Variants in CDC20B observed in about 807,000 individuals in gnomAD.
CDC20B encodes cell division cycle 20B.
In CDC20B, 58 loss-of-function variants were observed where a neutral mutation model predicts 64.1. The observed-to-expected ratio is 0.90, with a 90% CI of 0.73 to 1.13. The LOEUF (loss-of-function observed/expected upper bound fraction) is 1.13. Among genes scored for constraint, CDC20B ranks in the 50% most tolerant of loss-of-function variants. CDC20B has a pLI of 0.00. For synonymous variants in CDC20B, 243 were observed against 230.6 expected (o/e 1.05, Z -0.49); for missense variants, 597 against 633.0 (o/e 0.94, Z 0.61).
intron 2 of CDC20B, among the ~76,000 whole-genome samples, chr5:55,158,468 G>A (rs1009849840): frequency 5.3e-5 from 8 of 152,296 alleles, no homozygotes; most frequent in Admixed American, 5.2e-4. Context: ...TGAGCCATGA[G>A]AGTAGGAGTC....
intron 2 of CDC20B, among the ~76,000 whole-genome samples, chr5:55,153,884 T>G (rs1259486266): frequency 6.6e-6 from 1 of 152,154 alleles, no homozygotes; most frequent in Admixed American, 6.5e-5. Context: ...TGAAAAAGAT[T>G]GGCAGTGTTA....
Position 55,149,301 on chromosome 5 carries a change from G to A in CDC20B, c.127-2445C>T, listed in dbSNP as rs75288520. Among the ~76,000 whole-genome samples, 312 of 152,310 alleles carry A rather than the reference G, an allele frequency of 2.0e-3. 1 individual carries two copies. The highest frequency in any genetic ancestry group is 7.0e-3 in the African/African-American group (292 of 41,562). ...GTGAAAGGATGCAGTCATTGTGGAA[G>A]ATTAGTTTGGTGATACCTCAAAAAG... is the stretch of plus-strand genomic sequence containing the variant. On this transcript the variant is annotated intron_variant, in intron 2 of 11. Coordinates refer to ENST00000381375, the MANE Select transcript of CDC20B (RefSeq NM_001170402.1).
At position 55,146,695 on chromosome 5, in the gene CDC20B, G is replaced by A. The variant is rs1743487256; in HGVS notation, c.288C>T (p.Thr96=). Residue 96 remains threonine, a synonymous_variant, in exon 3 of 12, where the codon ACC becomes ACT. Transcript: ENST00000381375. ...ATCCGGAAGCTTCTGGGAGGTAGGT[G>A]GTTGACTGCTCTTCCCCAAAGGAAT... ...SSDSFGEEQS[T]TYLPEASGSV... 1 of 1,614,064 alleles carries A rather than the reference G, an allele frequency of 6.2e-7. No individual in the cohort carries two copies. The highest frequency in any genetic ancestry group is 8.5e-7 in the Non-Finnish European group (1 of 1,180,050).
intron 6 of CDC20B, among the ~76,000 whole-genome samples, chr5:55,132,967 A>G (rs1743067481): frequency 1.3e-5 from 2 of 152,306 alleles, no homozygotes; most frequent in Admixed American, 6.5e-5. Flanking sequence ...AGCTCCTTCT[A>G]GTCTTTATAG....
At chr5:55,140,463 A>G in intron 4 of CDC20B, 56 bp from the exon 5 acceptor site, 1 of 1,166,432 alleles carries the variant, frequency 8.6e-7, no homozygotes, top group Non-Finnish European at 1.3e-6. Flanking sequence ...ATGTACAACT[A>G]AAATGTAATG....
At position 55,116,420 on chromosome 5, in the gene CDC20B, T is replaced by C. The variant is rs558938027; in HGVS notation, c.1460-2102A>G. Among the ~76,000 whole-genome samples, 306 of 152,224 alleles carry C rather than the reference T, an allele frequency of 2.0e-3. 3 individuals carry two copies. The highest frequency in any genetic ancestry group is 1.7e-3 in the Non-Finnish European group (119 of 68,012). ...AGCCTCCTAAAAAGAAGAGGATAAA[T>C]ATATAATAGAACATTACTCTAATGC... On this transcript the variant is annotated intron_variant, in intron 11 of 11. Transcript: ENST00000381375.
At chr5:55,143,457 T>G in intron 4 of CDC20B, 56 bp downstream of exon 4, 1 of 1,501,922 alleles carries the variant, frequency 6.7e-7, no homozygotes, top group Non-Finnish European at 8.9e-7. Flanking sequence ...CATTTGCAAC[T>G]AAGTTGTCTC....
rs1743895148 is a variant in CDC20B, at chr5:55,158,834, C to T, written c.127-11978G>A. On this transcript the variant is annotated intron_variant, in intron 2 of 11. Transcript: ENST00000381375. Reference sequence around the variant, plus strand: ...ACCGTTAGCAACAGCAAAGTTAGGCCCCCTGTGCCAGGCAACAGCCAGGGG... The same window carrying T: ...ACCGTTAGCAACAGCAAAGTTAGGCTCCCTGTGCCAGGCAACAGCCAGGGG... 2.6e-5 allele frequency among the ~76,000 whole-genome samples: 4 copies of T among 152,194 alleles called. No individual in the cohort carries two copies. The South Asian group carries it at 8.3e-4, about 32-fold the overall frequency.
intron 2 of CDC20B, among the ~76,000 whole-genome samples, chr5:55,151,889 C>T (rs1362390680): frequency 6.6e-6 from 1 of 152,184 alleles, no homozygotes; most frequent in Non-Finnish European, 1.5e-5. Flanking sequence ...CCCCTGGAAC[C>T]TATAAATGTT....
At chr5:55,160,357 A>G (rs1158506258) in intron 2 of CDC20B, 1 of 1,613,350 alleles carries the variant, frequency 6.2e-7, no homozygotes, top group Non-Finnish European at 8.5e-7. Context: ...TGAAGGATGC[A>G]AAAGGAAGAA....
chr5:55,121,156 T>A (rs1022917931), intron 9 of CDC20B, among the ~76,000 whole-genome samples: 4 of 152,292 alleles, frequency 2.6e-5, no homozygotes, highest in African/African-American at 9.6e-5. Flanking sequence ...ATAATCACTT[T>A]AAAGGACATT....
intron 2 of CDC20B, chr5:55,163,961 T>C (rs550276770): frequency 1.1e-6 from 1 of 940,068 alleles, no homozygotes; most frequent in South Asian, 2.3e-5. Context: ...TAGAACTTGA[T>C]ACTAAAGTTA....
intron 2 of CDC20B, among the ~76,000 whole-genome samples, chr5:55,151,038 A>G (rs1743649923): frequency 6.6e-6 from 1 of 152,174 alleles, no homozygotes; most frequent in Non-Finnish European, 1.5e-5. Flanking sequence ...GAGGCCCCTC[A>G]CAGGGCCACT....
intron 2 of CDC20B, chr5:55,165,714 C>A (rs1744345605): frequency 6.6e-6 from 1 of 152,196 alleles, no homozygotes; most frequent in Non-Finnish European, 1.5e-5. Flanking sequence ...GTAGGGATAG[C>A]CTCAAGAATG....
chr5:55,146,604 G>T, intron 3 of CDC20B, 24 bp downstream of exon 3: 3 of 1,538,816 alleles, frequency 1.9e-6, no homozygotes, highest in Non-Finnish European at 2.7e-6. Context: ...GCAAAACGGG[G>T]CTGTGGCGTT....
chr5:55,128,471 T>C lies in CDC20B; in HGVS notation c.844A>G (p.Ile282Val), dbSNP rs1293097105. 1 of 1,609,476 alleles carries C rather than the reference T, an allele frequency of 6.2e-7. No individual in the cohort carries two copies. The highest frequency in any genetic ancestry group is 8.5e-7 in the Non-Finnish European group (1 of 1,178,884). ...TCNYISSVSWIKEGTCLAVGT... is the reference protein window; with the variant it reads ...TCNYISSVSWVKEGTCLAVGT... ...ACTGCCAGGCAAGTTCCCTCTTTTA[T>C]CCAGGACACAGAAGAGATATAGTTA... The change falls in exon 7 of 12, where the codon ATA (isoleucine) becomes GTA (valine). Residue 282 changes from isoleucine (I) to valine (V), a missense_variant. Ile to Val is a conservative substitution (Grantham distance 29). This residue lies in a region of CDC20B where 353 missense variants were observed against 397.0 expected (regional missense o/e 0.89). Coordinates refer to ENST00000381375, the MANE Select transcript of CDC20B (RefSeq NM_001170402.1).
intron 9 of CDC20B, among the ~76,000 whole-genome samples, chr5:55,124,522 G>A (rs563015163): frequency 6.6e-6 from 1 of 152,196 alleles, no homozygotes; most frequent in Admixed American, 6.5e-5. Flanking sequence ...TTTAAAACCA[G>A]CTGTATGTAC....
At chr5:55,151,680 T>C (rs1743672317) in intron 2 of CDC20B, among the ~76,000 whole-genome samples, 1 of 152,190 alleles carries the variant, frequency 6.6e-6, no homozygotes, top group Non-Finnish European at 1.5e-5. Flanking sequence ...ACCGTCACTC[T>C]GTCCACCCCA....
At chr5:55,123,604 C>T (rs1237437897) in intron 9 of CDC20B, among the ~76,000 whole-genome samples, 5 of 152,130 alleles carry the variant, frequency 3.3e-5, no homozygotes, top group Admixed American at 2.0e-4. Flanking sequence ...TGCCAGGAGG[C>T]TTGGCTTGCT....
Sources: gnomAD v4.1 joint callset for allele counts (sites outside exome capture counted in the v4.1 genomes callset) on GRCh38, gnomAD v4.1.1 for gene constraint, gnomAD v4.1.1 regional missense constraint, MANE v1.5 for transcripts, NCBI Gene and HGNC (gene_info 2026-07-23, HGNC 2026-07-21) for gene names.